The following PPP1R9A variants were observed in gnomAD, a reference collection of about 807,000 sequenced individuals.
The protein encoded by PPP1R9A is protein phosphatase 1 regulatory subunit 9A.
PPP1R9A carries 59 observed loss-of-function variants against 141.9 expected under a neutral mutation model. That is an observed-to-expected ratio of 0.42 (90% CI 0.34 to 0.52). The LOEUF (loss-of-function observed/expected upper bound fraction) is 0.52. PPP1R9A is among the 20% of genes least tolerant of loss of function. The pLI, the probability that PPP1R9A is intolerant of heterozygous loss-of-function variation, is 0.10. For missense variants in PPP1R9A, 1,444 were observed against 1,611.9 expected (o/e 0.90, Z 1.78); for synonymous variants, 500 against 569.7 (o/e 0.88, Z 1.74).
At chr7:94,982,889 G>C (rs1800303646) in intron 2 of PPP1R9A, among the ~76,000 whole-genome samples, 1 of 152,138 alleles carries the variant, frequency 6.6e-6, no homozygotes, top group South Asian at 2.1e-4. Context: ...TGAAGTCCTT[G>C]CCCATGCTTA....
chr7:95,101,809 C>T (rs573588618), intron 2 of PPP1R9A, among the ~76,000 whole-genome samples: 40 of 152,198 alleles, frequency 2.6e-4, no homozygotes, highest in African/African-American at 9.4e-4. Context: ...TCTTTTTTTC[C>T]CGTAGTTTTG....
chr7:95,155,941 C>T (rs1829532767), intron 4 of PPP1R9A: 1 of 152,158 alleles, frequency 6.6e-6, no homozygotes, highest in South Asian at 2.1e-4. Context: ...TAATAAAGAA[C>T]TTCACTATGC....
In PPP1R9A at chr7:95,268,470, G is replaced by A; in HGVS notation, c.2666-80G>A. 4 of 1,510,382 alleles carry A rather than the reference G, an allele frequency of 2.6e-6. No homozygotes were observed. The South Asian group carries it at 3.7e-5, about 14-fold the overall frequency. 93.6% of individuals were successfully genotyped at this position (1,510,382 alleles called of 1,614,324 possible). ...CTTACCTGATGTTACTGGTTACCTT[G>A]AGATTTTATCAGTGTCTGTGGTCTC... On this transcript the variant is annotated intron_variant, in intron 12 of 19. Coordinates refer to ENST00000433360, the MANE Select transcript of PPP1R9A (RefSeq NM_001166160.2).
rs1449672948 is a variant in PPP1R9A at position 95,293,545 on chromosome 7, C to G, written c.*3242C>G. 1 of 152,156 alleles carries G rather than the reference C, an allele frequency of 6.6e-6. No homozygotes were observed. Among genetic ancestry groups the G allele is most frequent in the Admixed American group, 6.5e-5 (1 of 15,268 alleles). The allele number at this position is 152,156 out of a possible 1,614,324, so 9.4% of individuals were successfully genotyped here. On this transcript the variant is annotated 3_prime_UTR_variant, in exon 20 of 20. Coordinates refer to ENST00000433360, the MANE Select transcript of PPP1R9A (RefSeq NM_001166160.2). ...AGCCAAACTCAGCTTTCAACTGGCA[C>G]AAAATGGGACTGTCACCTTTTGCTC...
chr7:95,289,320 C>T (rs1805955714), intron 19 of PPP1R9A, among the ~76,000 whole-genome samples: 1 of 152,232 alleles, frequency 6.6e-6, no homozygotes, highest in Non-Finnish European at 1.5e-5. Context: ...AAGCCCCACC[C>T]CCGCCTCAGC....
At chr7:94,999,121 G>A (rs1359197625) in intron 2 of PPP1R9A, among the ~76,000 whole-genome samples, 1 of 152,100 alleles carries the variant, frequency 6.6e-6, no homozygotes, top group Non-Finnish European at 1.5e-5. Context: ...AAACTATTTG[G>A]ACTATATTGT....
chr7:95,262,560 C>T (rs17166734), intron 12 of PPP1R9A, among the ~76,000 whole-genome samples: 1,756 of 152,108 alleles, frequency 0.012, 30 homozygotes, highest in African/African-American at 0.041. Flanking sequence ...GGTAGTCTAG[C>T]GGTATTACTG....
intron 2 of PPP1R9A, among the ~76,000 whole-genome samples, chr7:95,092,175 C>A (rs1817442672): frequency 6.6e-6 from 1 of 152,150 alleles, no homozygotes; most frequent in African/African-American, 2.4e-5. Context: ...GATACAATCT[C>A]ACTGACCACC....
chr7:95,127,573 A>G (rs1823795493), intron 4 of PPP1R9A, among the ~76,000 whole-genome samples: 1 of 148,846 alleles, frequency 6.7e-6, no homozygotes, highest in Non-Finnish European at 1.5e-5. Context: ...AACTGGGTAT[A>G]TTGTGTCATG....
At chr7:95,210,046 C>T (rs1029092475) in intron 7 of PPP1R9A, among the ~76,000 whole-genome samples, 1 of 152,140 alleles carries the variant, frequency 6.6e-6, no homozygotes, top group Non-Finnish European at 1.5e-5. Context: ...CCACTTTGGT[C>T]TGTCGACCGT....
intron 2 of PPP1R9A, among the ~76,000 whole-genome samples, chr7:95,052,248 T>C (rs1267892087): frequency 6.6e-6 from 1 of 152,186 alleles, no homozygotes; most frequent in Non-Finnish European, 1.5e-5. Context: ...TTTAGGAAGA[T>C]TGTTTTGCCA....
intron 12 of PPP1R9A, among the ~76,000 whole-genome samples, chr7:95,252,571 G>A (rs1400477900): frequency 4.0e-5 from 6 of 149,202 alleles, no homozygotes; most frequent in East Asian, 2.0e-4. Flanking sequence ...AGGTTCAAGC[G>A]ATTCTCATGC....
intron 2 of PPP1R9A, among the ~76,000 whole-genome samples, chr7:94,941,749 G>A (rs907090224): frequency 1.3e-5 from 2 of 151,848 alleles, no homozygotes; most frequent in African/African-American, 2.4e-5. Context: ...GTATAATTAA[G>A]TTGTAAATTA....
intron 2 of PPP1R9A, among the ~76,000 whole-genome samples, chr7:95,096,163 A>G (rs538861744): frequency 1.8e-4 from 28 of 152,268 alleles, no homozygotes; most frequent in Non-Finnish European, 3.5e-4. Context: ...GAAATACAGG[A>G]TTTTAGATAG....
chr7:95,209,816 C>T (rs140339300), intron 7 of PPP1R9A, among the ~76,000 whole-genome samples: 1 of 152,238 alleles, frequency 6.6e-6, no homozygotes, highest in Non-Finnish European at 1.5e-5. Context: ...ATTACTTGTA[C>T]AATTATAGAA....
chr7:95,055,551 C>G (rs928059485), intron 2 of PPP1R9A, among the ~76,000 whole-genome samples: 3 of 152,150 alleles, frequency 2.0e-5, no homozygotes, highest in Non-Finnish European at 4.4e-5. Context: ...ATCGAGCTCA[C>G]CAAAGACAGG....
At chr7:95,206,476 T>A (rs1790822352) in intron 7 of PPP1R9A, among the ~76,000 whole-genome samples, 1 of 152,196 alleles carries the variant, frequency 6.6e-6, no homozygotes, top group African/African-American at 2.4e-5. Flanking sequence ...ATAATTTACA[T>A]ACAATAAATG....
Position 95,247,530 on chromosome 7 carries a change from A to G in PPP1R9A, c.2166+4A>G, listed in dbSNP as rs1168754377. 6.2e-7 allele frequency: 1 copy of G among 1,603,018 alleles called. No individual in the cohort carries two copies. The highest frequency in any genetic ancestry group is 1.3e-5 in the African/African-American group (1 of 74,792). ...GATTCAAAAATTGAAGACCAAGGTA[A>G]GCACCGAAACATGGTGTTTGAATTT... On this transcript the variant is annotated splice_donor_region_variant and intron_variant, in intron 9 of 19. Transcript: ENST00000433360.
rs1039510720 is a variant in PPP1R9A, at chr7:95,291,466, A to G, written c.*1163A>G. On this transcript the variant is annotated 3_prime_UTR_variant, in exon 20 of 20. Coordinates refer to ENST00000433360, the MANE Select transcript of PPP1R9A (RefSeq NM_001166160.2). ...ACTTCAAAGATTCTCAATTTTACAG[A>G]AAAAGTTTGTTTAAGGCAGTGCATA... 6.6e-6 allele frequency: 1 copy of G among 152,238 alleles called. No individual in the cohort carries two copies. Among genetic ancestry groups the G allele is most frequent in the African/African-American group, 2.4e-5 (1 of 41,462 alleles). The allele number at this position is 152,238 out of a possible 1,614,324, so 9.4% of individuals were successfully genotyped here.
Sources: gnomAD v4.1 joint callset for allele counts (sites outside exome capture counted in the v4.1 genomes callset) on GRCh38, gnomAD v4.1.1 for gene constraint, MANE v1.5 for transcripts, NCBI Gene and HGNC (gene_info 2026-07-23, HGNC 2026-07-21) for gene names.